Variants in NOL4 observed in about 807,000 individuals in gnomAD.
NOL4 encodes nucleolar protein 4, also known as cancer/testis antigen 125.
NOL4 carries 17 observed loss-of-function variants against 75.9 expected under a neutral mutation model. The observed-to-expected ratio is 0.22, with a 90% CI of 0.15 to 0.34. The LOEUF is 0.34. NOL4 is among the 10% of genes least tolerant of loss of function. NOL4 has a pLI of 1.00. For synonymous variants in NOL4, 292 were observed against 289.9 expected (o/e 1.01, Z -0.07); for missense variants, 614 against 793.5 (o/e 0.77, Z 2.72).
intron 6 of NOL4, among the ~76,000 whole-genome samples, chr18:33,965,232 T>C (rs2070482165): frequency 6.6e-6 from 1 of 152,090 alleles, no homozygotes; most frequent in Non-Finnish European, 1.5e-5. Flanking sequence ...CCCAGAACAT[T>C]GGGAAGTCAA....
rs2062651969 is a variant in NOL4 at position 33,852,095 on chromosome 18, T to C, written c.*747A>G. ...AAAGTTGCAGTGTTGAGTGGGGTTT[T>C]TGAGATCAGCATGAGAGCAGAAATG... On this transcript the variant is annotated 3_prime_UTR_variant, in exon 11 of 11. Transcript: ENST00000261592. 3 of 152,462 alleles carry C rather than the reference T, an allele frequency of 2.0e-5. No homozygotes were observed. The highest frequency in any genetic ancestry group is 6.6e-5 in the Admixed American group (1 of 15,234). 9.4% of individuals were successfully genotyped at this position (152,462 alleles called of 1,614,324 possible).
At chr18:34,104,211 G>A (rs1277157903) in intron 3 of NOL4, 52 bp from the exon 4 acceptor site, 1 of 1,040,492 alleles carries the variant, frequency 9.6e-7, no homozygotes, top group Non-Finnish European at 1.5e-6. Flanking sequence ...CATTCTACCT[G>A]TAATTTTAAA....
At chr18:34,043,329 G>T (rs1202073085) in intron 5 of NOL4, among the ~76,000 whole-genome samples, 1 of 152,068 alleles carries the variant, frequency 6.6e-6, no homozygotes, top group Non-Finnish European at 1.5e-5. Context: ...TCCTAAGACA[G>T]TAGTTTTCCT....
At chr18:34,088,537 T>C (rs1436214749) in intron 5 of NOL4, among the ~76,000 whole-genome samples, 1 of 152,086 alleles carries the variant, frequency 6.6e-6, no homozygotes, top group African/African-American at 2.4e-5. Flanking sequence ...GTCCTCGAGA[T>C]GCTTTTTGAA....
In NOL4 at chr18:34,224,196, G is replaced by A. The variant is rs927649148; in HGVS notation, c.-943C>T. On this transcript the variant is annotated 5_prime_UTR_variant, in exon 1 of 11. Coordinates refer to ENST00000261592, the MANE Select transcript of NOL4 (RefSeq NM_003787.5). ...ATCCCGAATAATGATGGGACCCCCA[G>A]ACAGGACTCCTCTGGTTTCTGCTGA... 2.6e-5 allele frequency: 4 copies of A among 152,334 alleles called. No individual in the cohort carries two copies. The highest frequency in any genetic ancestry group is 5.9e-5 in the Non-Finnish European group (4 of 68,110). 9.4% of individuals were successfully genotyped at this position (152,334 alleles called of 1,614,324 possible).
chr18:33,883,077 C>A (rs746780253), intron 10 of NOL4, among the ~76,000 whole-genome samples, 167 bp downstream of exon 10: 2 of 151,772 alleles, frequency 1.3e-5, no homozygotes, highest in East Asian at 3.9e-4. Flanking sequence ...GAGGGGGGAG[C>A]GATAGCATTG....
chr18:34,024,699 G>C (rs1352871511), intron 5 of NOL4, among the ~76,000 whole-genome samples: 2 of 152,028 alleles, frequency 1.3e-5, no homozygotes, highest in African/African-American at 4.8e-5. Flanking sequence ...GCACTTTCCA[G>C]CACAGTATAC....
At chr18:33,865,247 A>T (rs745915010) in intron 10 of NOL4, among the ~76,000 whole-genome samples, 1 of 152,150 alleles carries the variant, frequency 6.6e-6, no homozygotes, top group African/African-American at 2.4e-5. Context: ...CAAGTCCTTT[A>T]TATTAAATGG....
intron 9 of NOL4, among the ~76,000 whole-genome samples, chr18:33,884,797 T>C (rs760886621): frequency 3.9e-5 from 6 of 152,122 alleles, no homozygotes; most frequent in East Asian, 1.9e-4. Context: ...CGAGGAAATA[T>C]GAAATTAGTT....
At chr18:34,202,049 T>C (rs555685364) in intron 1 of NOL4, among the ~76,000 whole-genome samples, 1 of 152,038 alleles carries the variant, frequency 6.6e-6, no homozygotes, top group African/African-American at 2.4e-5. Flanking sequence ...AACAATCTCA[T>C]TAAATTGTAT....
chr18:33,913,067 G>T (rs1381905462), intron 9 of NOL4, among the ~76,000 whole-genome samples: 1 of 151,974 alleles, frequency 6.6e-6, no homozygotes, highest in Non-Finnish European at 1.5e-5. Context: ...TGTATGTATA[G>T]GTAAACTTGT....
chr18:34,135,336 A>G (rs2080842561), intron 1 of NOL4, among the ~76,000 whole-genome samples: 1 of 152,146 alleles, frequency 6.6e-6, no homozygotes, highest in Non-Finnish European at 1.5e-5. Context: ...AAAGACTTAA[A>G]TTATTGATAA....
At chr18:34,048,874 T>G (rs1159712076) in intron 5 of NOL4, among the ~76,000 whole-genome samples, 2 of 152,130 alleles carry the variant, frequency 1.3e-5, no homozygotes, top group Non-Finnish European at 2.9e-5. Flanking sequence ...ATTTTCAGTT[T>G]TAATAATTTT....
intron 1 of NOL4, among the ~76,000 whole-genome samples, chr18:34,147,837 A>G (rs1399104498): frequency 1.3e-5 from 2 of 152,056 alleles, no homozygotes; most frequent in East Asian, 1.9e-4. Context: ...CTGTGAATCC[A>G]TCTGATCCTG....
At chr18:34,139,965 C>T (rs561852834) in intron 1 of NOL4, among the ~76,000 whole-genome samples, 8 of 152,244 alleles carry the variant, frequency 5.3e-5, no homozygotes, top group Admixed American at 1.3e-4. Context: ...GCAGGTTGTT[C>T]GGTTTCCATG....
chr18:34,083,164 G>A (rs532212578), intron 5 of NOL4, among the ~76,000 whole-genome samples: 1 of 152,286 alleles, frequency 6.6e-6, no homozygotes, highest in East Asian at 1.9e-4. Context: ...TTAGGGATAA[G>A]GGTTCTTATG....
At chr18:33,863,439 C>T (rs1272598571) in intron 10 of NOL4, among the ~76,000 whole-genome samples, 1 of 152,018 alleles carries the variant, frequency 6.6e-6, no homozygotes, top group African/African-American at 2.4e-5. Flanking sequence ...AAAAAAGTTA[C>T]TTCCAAGATA....
chr18:34,061,709 A>T (rs1315079826), intron 5 of NOL4, among the ~76,000 whole-genome samples: 1 of 152,154 alleles, frequency 6.6e-6, no homozygotes, highest in Admixed American at 6.5e-5. Flanking sequence ...ACCACGAATA[A>T]ATGAAAGACA....
At chr18:33,956,025 T>C (rs1277246780) in intron 8 of NOL4, among the ~76,000 whole-genome samples, 1 of 151,984 alleles carries the variant, frequency 6.6e-6, no homozygotes, top group South Asian at 2.1e-4. Flanking sequence ...GGTGAAAGAG[T>C]CTCATAATGC....
Sources: gnomAD v4.1 joint callset for allele counts (sites outside exome capture counted in the v4.1 genomes callset) on GRCh38, gnomAD v4.1.1 for gene constraint, MANE v1.5 for transcripts, NCBI Gene and HGNC (gene_info 2026-07-23, HGNC 2026-07-21) for gene names.